PHACTR4: variants seen among roughly 807,000 people sequenced by gnomAD.
The protein encoded by PHACTR4 is phosphatase and actin regulator 4, also known as protein phosphatase 1, regulatory subunit 124.
A neutral mutation model predicts 72.7 loss-of-function variants in PHACTR4; 51 were observed. The ratio of observed to expected loss-of-function variants is 0.70; its 90% CI spans 0.56 to 0.89. PHACTR4 has a LOEUF of 0.89. Among genes scored for constraint, PHACTR4 ranks in the 40% least tolerant of loss-of-function variants. The probability of loss-of-function intolerance (pLI) is 0.00; values close to 1 mark genes in which losing one functional copy is unlikely to be tolerated. For synonymous variants in PHACTR4, 255 were observed against 302.5 expected, an observed-to-expected ratio of 0.84 and a Z score of 1.63; for missense variants, 731 against 861.8, an observed-to-expected ratio of 0.85 and a Z score of 1.90.
chr1:28,423,127 A>G (rs903252881), intron 2 of PHACTR4, among the ~76,000 whole-genome samples: 7 of 149,628 alleles, frequency 4.7e-5, no homozygotes, highest in Non-Finnish European at 8.9e-5. Flanking sequence ...GAGAGTATAG[A>G]TAGGGCTGGG....
chr1:28,457,916 T>C, intron 2 of PHACTR4: 1 of 956,704 alleles, frequency 1.0e-6, no homozygotes, highest in Non-Finnish European at 1.2e-6. Context: ...GCCTTCCTGC[T>C]GGTTTTTTTT....
intron 2 of PHACTR4, 83 bp downstream of exon 2, chr1:28,407,546 T>C: frequency 1.6e-6 from 2 of 1,279,096 alleles, no homozygotes; most frequent in Non-Finnish European, 2.2e-6. Context: ...GTAAATTGGT[T>C]TTTTTTCATA....
At chr1:28,418,504 A>G (rs1655268994) in intron 2 of PHACTR4, among the ~76,000 whole-genome samples, 1 of 151,758 alleles carries the variant, frequency 6.6e-6, no homozygotes, top group Non-Finnish European at 1.5e-5. Context: ...AAAACAAAAC[A>G]AACAAACAAA....
intron 2 of PHACTR4, among the ~76,000 whole-genome samples, chr1:28,409,603 G>A (rs978789311): frequency 1.3e-5 from 2 of 152,100 alleles, no homozygotes; most frequent in Admixed American, 6.6e-5. Context: ...TTCATCACAC[G>A]GAAAGAAGTC....
chr1:28,492,184 C>T (rs1661076142), intron 12 of PHACTR4, among the ~76,000 whole-genome samples: 1 of 152,142 alleles, frequency 6.6e-6, no homozygotes, highest in Non-Finnish European at 1.5e-5. Flanking sequence ...TGCCTGTAAT[C>T]CTAGCACTTT....
chr1:28,453,671 A>G, intron 2 of PHACTR4: 2 of 1,289,434 alleles, frequency 1.6e-6, no homozygotes, highest in Non-Finnish European at 2.2e-6. Flanking sequence ...TCAGATTGAA[A>G]GATGGACCCG....
rs568938100 is a variant in PHACTR4 at position 28,454,367 on chromosome 1, C to T, written c.17-4718C>T. ...TCTCGGCTCTCTGCAAGCTCCACCT[C>T]CCGGGTTCACGCCATTCTCCTGCCT... On this transcript the variant is annotated intron_variant, in intron 2 of 13. Transcript: ENST00000373839. Among the ~76,000 whole-genome samples the T allele has an allele frequency of 1.3e-4, 20 of 150,174 alleles. No individual in the cohort carries two copies. In the South Asian group the frequency reaches 4.0e-3, roughly 30 times the overall value.
intron 2 of PHACTR4, among the ~76,000 whole-genome samples, chr1:28,410,263 G>A (rs962855079): frequency 3.9e-5 from 5 of 128,856 alleles, no homozygotes; most frequent in Admixed American, 1.8e-4. Context: ...ACCGTGCCCA[G>A]CCACTTATTC....
intron 1 of PHACTR4, among the ~76,000 whole-genome samples, chr1:28,381,161 C>A (rs538457732): frequency 6.6e-6 from 1 of 150,842 alleles, no homozygotes; most frequent in East Asian, 2.0e-4. Context: ...CCCACACCAC[C>A]ACGCCCGGCT....
chr1:28,378,292 A>G (rs925688633), intron 1 of PHACTR4, among the ~76,000 whole-genome samples: 3 of 149,340 alleles, frequency 2.0e-5, no homozygotes, highest in South Asian at 4.2e-4. Flanking sequence ...ACCTGAGGTC[A>G]GGAGTTCGAG....
chr1:28,407,052 A>G (rs1187254032), intron 1 of PHACTR4, among the ~76,000 whole-genome samples: 1 of 152,150 alleles, frequency 6.6e-6, no homozygotes, highest in Admixed American at 6.6e-5. Flanking sequence ...ACTGACAATA[A>G]TATATTTTAA....
Position 28,473,991 on chromosome 1 carries a change from A to G in PHACTR4, c.1261A>G (p.Ile421Val), listed in dbSNP as rs760368878. 9.9e-6 allele frequency: 16 copies of G among 1,614,058 alleles called. No homozygotes were observed. The South Asian group carries it at 1.8e-4, about 18-fold the overall frequency. Residue 421 changes from isoleucine (I) to valine (V), a missense_variant, in exon 7 of 14, where the codon ATC becomes GTC. Transcript: ENST00000373839. ...RLPPLPLHIRIQQALTSPLPM... is the reference protein window; with the variant it reads ...RLPPLPLHIRVQQALTSPLPM... ...GCCTCCACTCCCACTGCATATTCGAATCCAGCAGGCCCTCACCAGCCCACT... is the reference window on the plus strand; with the variant it reads ...GCCTCCACTCCCACTGCATATTCGAGTCCAGCAGGCCCTCACCAGCCCACT...
chr1:28,480,133 G>C (rs1243607461), intron 8 of PHACTR4, among the ~76,000 whole-genome samples: 1 of 152,198 alleles, frequency 6.6e-6, no homozygotes. Context: ...TAGTATGAAA[G>C]CCTTTATGTT....
chr1:28,471,222 G>A (rs544359876), intron 6 of PHACTR4, among the ~76,000 whole-genome samples: 1 of 152,126 alleles, frequency 6.6e-6, no homozygotes, highest in South Asian at 2.1e-4. Flanking sequence ...GGTGGCACAT[G>A]CCTGTAATCC....
At chr1:28,429,816 A>C (rs1656121098) in intron 2 of PHACTR4, among the ~76,000 whole-genome samples, 1 of 152,212 alleles carries the variant, frequency 6.6e-6, no homozygotes, top group Non-Finnish European at 1.5e-5. Flanking sequence ...ACTTAATAAC[A>C]GAGTATGATA....
intron 2 of PHACTR4, among the ~76,000 whole-genome samples, chr1:28,423,259 A>G (rs1655623260): frequency 6.6e-6 from 1 of 152,092 alleles, no homozygotes; most frequent in Admixed American, 6.5e-5. Context: ...AATAAACAGA[A>G]TTAGCCAGGT....
chr1:28,410,983 C>T (rs949283965), intron 2 of PHACTR4, among the ~76,000 whole-genome samples: 5 of 151,216 alleles, frequency 3.3e-5, no homozygotes, highest in African/African-American at 1.2e-4. Context: ...GCGGGAATTG[C>T]AGGCGTGAGC....
chr1:28,457,745 GT>G lies in PHACTR4; in HGVS notation c.17-1338del, dbSNP rs1240357519. The G allele has an allele frequency of 9.2e-6, 7 of 759,854 alleles. No homozygotes were observed. In the Admixed American group the frequency reaches 4.4e-4, roughly 48 times the overall value. 47.1% of individuals were successfully genotyped at this position (759,854 alleles called of 1,614,324 possible). Reference sequence around the variant, plus strand: ...TCAACATGTTAGCTTATCATATGCTGTTCCTTGATGTATTTCTACAAAGTAG... The same window carrying G: ...TCAACATGTTAGCTTATCATATGCTGTCCTTGATGTATTTCTACAAAGTAG... On this transcript the variant is annotated intron_variant, in intron 2 of 13. Transcript: ENST00000373839.
chr1:28,419,413 A>G (rs1335351606), intron 2 of PHACTR4, among the ~76,000 whole-genome samples: 1 of 151,984 alleles, frequency 6.6e-6, no homozygotes, highest in Non-Finnish European at 1.5e-5. Context: ...ACACACACAC[A>G]TATAAAGTGT....
Sources: gnomAD v4.1 joint callset for allele counts (sites outside exome capture counted in the v4.1 genomes callset) on GRCh38, gnomAD v4.1.1 for gene constraint, MANE v1.5 for transcripts, NCBI Gene and HGNC (gene_info 2026-07-23, HGNC 2026-07-21) for gene names.